RBPJ: variants seen among roughly 807,000 people sequenced by gnomAD.
The protein encoded by RBPJ is recombining binding protein suppressor of hairless.
In RBPJ, 9 loss-of-function variants were observed where a neutral mutation model predicts 67.8. The ratio of observed to expected loss-of-function variants is 0.13; its 90% CI spans 0.08 to 0.23. The LOEUF (loss-of-function observed/expected upper bound fraction) is 0.23, where lower values mean the gene tolerates loss of function less well. Among genes scored for constraint, RBPJ ranks in the 10% least tolerant of loss-of-function variants. The pLI is 1.00. For missense variants in RBPJ, 305 were observed against 595.6 expected (o/e 0.51, Z 5.08); for synonymous variants, 198 against 203.3 (o/e 0.97, Z 0.22).
rs73245736 is a variant in RBPJ at position 26,226,736 on chromosome 4, G to A, written c.-167+63122G>A. On this transcript the variant is annotated intron_variant, in intron 1 of 4. Coordinates refer to the RBPJ transcript ENST00000512351. ...GTTAACTCATTTATCTAGAATGTCA[G>A]AGGCACAGAGTGGTCTGGTTAATTT... is the stretch of plus-strand genomic sequence containing the variant. Among the ~76,000 whole-genome samples the A allele has an allele frequency of 8.7e-3, 1,328 of 152,296 alleles. 23 individuals are homozygous for A. Among genetic ancestry groups the A allele is most frequent in the South Asian group, 0.065 (316 of 4,830 alleles).
intron 1 of RBPJ, among the ~76,000 whole-genome samples, chr4:26,190,340 GA>G (rs955226154): frequency 6.6e-6 from 1 of 152,154 alleles, no homozygotes; most frequent in African/African-American, 2.4e-5. Context: ...GTCCCTATGG[GA>G]AACATAAGAG....
chr4:26,317,048 G>A (rs1393530790), upstream of RBPJ, among the ~76,000 whole-genome samples: 2 of 151,510 alleles, frequency 1.3e-5, no homozygotes, highest in Admixed American at 6.6e-5. Context: ...CATTGTTCCA[G>A]CAGCTAAGGC....
chr4:26,268,136 A>G (rs1392144106), intron 1 of RBPJ, among the ~76,000 whole-genome samples: 1 of 151,982 alleles, frequency 6.6e-6, no homozygotes, highest in Non-Finnish European at 1.5e-5. Context: ...TTCTATATGA[A>G]GGGAAGAAGA....
At chr4:26,110,174 T>TCTGTACTTCTTACATTTCAATTTCC in the RBPJ span, among the ~76,000 whole-genome samples, 1 of 152,214 alleles carries the variant, frequency 6.6e-6, no homozygotes, top group Non-Finnish European at 1.5e-5. The surrounding 1 kb of genome is among the most constrained non-coding windows in gnomAD (Gnocchi z 4.5). Flanking sequence ...ATTCAATTTC[T>TCTGTACTTCTTACATTTCAATTTCC]CTGTACTTCT....
intron 1 of RBPJ, among the ~76,000 whole-genome samples, chr4:26,329,530 C>T (rs1466026925): frequency 1.3e-5 from 2 of 152,082 alleles, no homozygotes; most frequent in African/African-American, 4.8e-5. Context: ...TAGGTCTTTT[C>T]CTTTGTCTAA....
Position 26,244,162 on chromosome 4 carries a change from TATATATGTATACAC to T in RBPJ, c.-167+80562_-167+80575del, listed in dbSNP as rs1408349687. ...ATATATGTGTACACATATATGTATA[TATATATGTATACAC>T]ATATATGTATACATATATGTGTCTA... On this transcript the variant is annotated intron_variant, in intron 1 of 4. Transcript: ENST00000512351. Among the ~76,000 whole-genome samples the T allele has an allele frequency of 5.1e-5, 7 of 137,886 alleles. 1 individual carries two copies. The highest frequency in any genetic ancestry group is 8.2e-5 in the Non-Finnish European group (5 of 61,014). 90.5% of individuals were successfully genotyped at this position (137,886 alleles called of 152,430 possible).
At chr4:26,159,789 T>G (rs1716043648), upstream of RBPJ, among the ~76,000 whole-genome samples, 1 of 152,106 alleles carries the variant, frequency 6.6e-6, no homozygotes. Context: ...AGATGAATGG[T>G]CCAAAGCTGG....
At chr4:26,209,398 C>A (rs1577473614) in intron 1 of RBPJ, among the ~76,000 whole-genome samples, 1 of 152,002 alleles carries the variant, frequency 6.6e-6, no homozygotes, top group Non-Finnish European at 1.5e-5. Context: ...AAATACAAAC[C>A]TAGTAAGTAA....
intron 2 of RBPJ, among the ~76,000 whole-genome samples, chr4:26,400,656 C>G (rs1421177144): frequency 2.0e-5 from 3 of 152,138 alleles, no homozygotes; most frequent in Non-Finnish European, 4.4e-5. Flanking sequence ...TTTATTTTTA[C>G]TGTTGAAAGA....
chr4:26,188,566 G>A (rs1717362115), intron 1 of RBPJ, among the ~76,000 whole-genome samples: 2 of 152,168 alleles, frequency 1.3e-5, no homozygotes, highest in Non-Finnish European at 1.5e-5. Flanking sequence ...TACATCTTTT[G>A]TAGTAGAACT....
At chr4:26,198,019 AG>A (rs1392915362) in intron 1 of RBPJ, among the ~76,000 whole-genome samples, 1 of 152,110 alleles carries the variant, frequency 6.6e-6, no homozygotes, top group Non-Finnish European at 1.5e-5. Flanking sequence ...GCACTTTGGG[AG>A]GCCGAGGGGG....
chr4:26,117,882 T>G, the RBPJ span, among the ~76,000 whole-genome samples: 8 of 152,150 alleles, frequency 5.3e-5, no homozygotes, highest in Non-Finnish European at 1.2e-4. Flanking sequence ...AATAAAATAT[T>G]TGGCAGTGAT....
intron 1 of RBPJ, among the ~76,000 whole-genome samples, chr4:26,289,549 A>G (rs529238177): frequency 6.6e-5 from 10 of 150,746 alleles, no homozygotes; most frequent in Non-Finnish European, 1.2e-4. Flanking sequence ...CTTTCTGACA[A>G]GAGTGAGCAT....
chr4:26,426,044 T>C (rs1254125325), intron 7 of RBPJ, among the ~76,000 whole-genome samples: 1 of 152,140 alleles, frequency 6.6e-6, no homozygotes, highest in Non-Finnish European at 1.5e-5. Flanking sequence ...TGAAGTATAG[T>C]AATAGTAATC....
chr4:26,336,548 G>A (rs979097727), intron 1 of RBPJ, among the ~76,000 whole-genome samples: 3 of 151,982 alleles, frequency 2.0e-5, no homozygotes, highest in Non-Finnish European at 4.4e-5. Flanking sequence ...TACTTGGGAG[G>A]CTGAGGCTGG....
chr4:26,320,822 T>C (rs1722941418), upstream of RBPJ: 1 of 1,559,962 alleles, frequency 6.4e-7, no homozygotes, highest in Non-Finnish European at 8.7e-7. Flanking sequence ...CTGGGTAGGT[T>C]TCCAGGGAAG....
intron 1 of RBPJ, among the ~76,000 whole-genome samples, chr4:26,349,062 C>T (rs1358569999): frequency 6.6e-6 from 1 of 150,916 alleles, no homozygotes; most frequent in Non-Finnish European, 1.5e-5. Flanking sequence ...CTCATTTTAT[C>T]ATCACAAGTT....
the RBPJ span, among the ~76,000 whole-genome samples, chr4:26,131,712 C>T: frequency 6.6e-6 from 1 of 152,180 alleles, no homozygotes; most frequent in African/African-American, 2.4e-5. Context: ...GAGATTTGAT[C>T]AAGACAGAAT....
At chr4:26,210,488 T>C (rs1372733368) in intron 1 of RBPJ, among the ~76,000 whole-genome samples, 1 of 152,170 alleles carries the variant, frequency 6.6e-6, no homozygotes. Context: ...TCAAAAATCA[T>C]TGTTAGTATT....
Sources: allele counts gnomAD v4.1 joint callset (sites outside exome capture counted in the v4.1 genomes callset), GRCh38; gene constraint gnomAD v4.1.1; non-coding constraint Gnocchi (gnomAD v3.1); transcripts MANE v1.5; gene names NCBI Gene and HGNC (gene_info 2026-07-23, HGNC 2026-07-21).